The following ZNF562 variants were observed in gnomAD, a reference collection of about 807,000 sequenced individuals.
The protein encoded by ZNF562 is zinc finger protein 562.
Under a neutral mutation model 17.5 loss-of-function variants are expected in ZNF562, and 13 were observed. The observed-to-expected ratio is 0.74, with a 90% confidence interval of 0.48 to 1.18. The LOEUF (loss-of-function observed/expected upper bound fraction) is 1.18, where lower values mean the gene tolerates loss of function less well. ZNF562 is among the 50% of genes most tolerant of loss of function. The pLI is 0.00. For synonymous variants in ZNF562, 163 were observed against 165.4 expected (o/e 0.99, Z 0.11); for missense variants, 481 against 498.5 (o/e 0.96, Z 0.33).
intron 3 of ZNF562, among the ~76,000 whole-genome samples, chr19:9,658,770 A>G (rs946555357): frequency 2.0e-5 from 3 of 151,908 alleles, no homozygotes; most frequent in African/African-American, 7.3e-5. Flanking sequence ...ATTAATTTTT[A>G]TCTATCTAGC....
In ZNF562 at chr19:9,660,700, G is replaced by C; in HGVS notation, c.25+20C>G. 6.2e-7 allele frequency: 1 copy of C among 1,611,224 alleles called. No homozygotes were observed. The highest frequency in any genetic ancestry group is 2.2e-5 in the East Asian group (1 of 44,778). ...GACCTAAAGCAGAATCTCTGAAAAA[G>C]AGCATCAACAAGGACTTACCATGGG... On this transcript the variant is annotated intron_variant, in intron 2 of 5. Coordinates refer to ENST00000453372, the MANE Select transcript of ZNF562 (RefSeq NM_001130031.2).
chr19:9,657,837 G>A (rs1023021346), intron 4 of ZNF562, among the ~76,000 whole-genome samples, 172 bp downstream of exon 4: 7 of 151,890 alleles, frequency 4.6e-5, no homozygotes, highest in Non-Finnish European at 8.8e-5. Context: ...GTGAACCTCC[G>A]GGACCGGCCT....
At position 9,651,841 on chromosome 19, in the gene ZNF562, C is replaced by T. The variant is rs1166900887; in HGVS notation, c.*1108G>A. On this transcript the variant is annotated 3_prime_UTR_variant, in exon 6 of 6. Coordinates refer to ENST00000453372, the MANE Select transcript of ZNF562 (RefSeq NM_001130031.2). ...AAGCTCAGCTCTGAAGGCTGTGAGC[C>T]CCGATTCCCACTCTGCACTATATTT... 6.6e-6 allele frequency: 1 copy of T among 152,182 alleles called. No homozygotes were observed. The allele number at this position is 152,182 out of a possible 1,614,324, so 9.4% of individuals were successfully genotyped here.
rs1202814504 is a variant in ZNF562 at position 9,653,160 on chromosome 19, G to A, written c.1070C>T (p.Thr357Met). The A allele has an allele frequency of 3.0e-5, 49 of 1,613,588 alleles. No individual in the cohort carries two copies. Among genetic ancestry groups the A allele is most frequent in the Non-Finnish European group, 3.9e-5 (46 of 1,179,780 alleles). Residue 357 changes from threonine (T) to methionine (M), a missense_variant, in exon 6 of 6, where the codon ACG (threonine) becomes ATG (methionine). Physicochemically the swap from Thr to Met is moderately conservative, Grantham distance 81. Transcript: ENST00000453372. Reference sequence around the variant, plus strand: ...ATTTCGTATGTGTATAGCAAGGCCCGTGTACTGAGTGAAGGCTTGGCCACA... The same window carrying A: ...ATTTCGTATGTGTATAGCAAGGCCCATGTACTGAGTGAAGGCTTGGCCACA... ...KECGQAFTQY[T>M]GLAIHIRNHT...
chr19:9,650,001 C>T lies in ZNF562; in HGVS notation c.*2948G>A, dbSNP rs1330601232. ...TCCCTTTATTTCTCAAGTTGGCTGA[C>T]ACTTAGGGAAAATAGAAAAGAACCT... On this transcript the variant is annotated 3_prime_UTR_variant, in exon 6 of 6. Transcript: ENST00000453372. 2.6e-5 allele frequency: 4 copies of T among 152,078 alleles called. No homozygotes were observed. The highest frequency in any genetic ancestry group is 5.9e-5 in the Non-Finnish European group (4 of 68,032). 9.4% of individuals were successfully genotyped at this position (152,078 alleles called of 1,614,324 possible). A position where few individuals can be genotyped will look rare whatever the true frequency, so the allele number is the denominator to read the frequency against.
Position 9,645,323 on chromosome 19 carries a change from G to A in ZNF562, c.*7626C>T, listed in dbSNP as rs141321615. On this transcript the variant is annotated 3_prime_UTR_variant, in exon 6 of 6. Coordinates refer to ENST00000453372, the MANE Select transcript of ZNF562 (RefSeq NM_001130031.2). ...GCCTCCCAAAGTGCTGGGTTTAAAG[G>A]CATGAGCCACTGTGCCTGGCCCAGA... 4.6e-4 allele frequency: 70 copies of A among 152,332 alleles called. No individual in the cohort carries two copies. The East Asian group carries it at 0.014, about 29-fold the overall frequency. 9.4% of individuals were successfully genotyped at this position (152,332 alleles called of 1,614,324 possible).
rs2074908036 is a variant in ZNF562, at chr19:9,653,484, T to C, written c.746A>G (p.Gln249Arg). ...RAITTSSHLK[Q>R]CVAVHTGKKS... ...CTTTCCAGTATGAACTGCTACACAC[T>C]GCTTTAAGTGTGAGGAAGTTGTGAT... The change falls in exon 6 of 6, where the codon CAG becomes CGG. Residue 249 changes from glutamine to arginine, a missense_variant. Transcript: ENST00000453372. The C allele has an allele frequency of 6.2e-7, 1 of 1,614,204 alleles. No homozygotes were observed. Among genetic ancestry groups the C allele is most frequent in the African/African-American group, 1.3e-5 (1 of 75,072 alleles).
chr19:9,671,658 C>T (rs2044201530), intron 1 of ZNF562, among the ~76,000 whole-genome samples: 1 of 152,234 alleles, frequency 6.6e-6, no homozygotes, highest in Non-Finnish European at 1.5e-5. Context: ...TTCCTAAGCA[C>T]TTGGTCCACC....
At chr19:9,669,748 A>G (rs1166522591) in intron 1 of ZNF562, among the ~76,000 whole-genome samples, 4 of 148,076 alleles carry the variant, frequency 2.7e-5, no homozygotes, top group South Asian at 2.2e-4. Flanking sequence ...ACACACACAC[A>G]CACACACACA....
In ZNF562 at chr19:9,653,235, G is replaced by A. The variant is rs2074899532; in HGVS notation, c.995C>T (p.Thr332Ile). ...GKAFTRSTHL[T>I]QHVRTHTGIK... ...TCCAGTGTGAGTTCTTACATGTTGA[G>A]TAAGGTGAGTTGATCTAGTGAAGGC... Residue 332 changes from threonine to isoleucine, a missense_variant, in exon 6 of 6, where the codon ACT (threonine) becomes ATT (isoleucine). Around this residue, in one of 2 missense-constraint regions of ZNF562, gnomAD observed 403 missense variants for 386.4 expected, o/e 1.04. Coordinates refer to ENST00000453372, the MANE Select transcript of ZNF562 (RefSeq NM_001130031.2). 1 of 1,614,190 alleles carries A rather than the reference G, an allele frequency of 6.2e-7. No homozygotes were observed. The highest frequency in any genetic ancestry group is 8.5e-7 in the Non-Finnish European group (1 of 1,180,038).
chr19:9,668,984 C>T (rs1190913611), intron 1 of ZNF562, among the ~76,000 whole-genome samples: 1 of 151,884 alleles, frequency 6.6e-6, no homozygotes, highest in Non-Finnish European at 1.5e-5. Flanking sequence ...TAAAGACTTA[C>T]ATCTAACACC....
rs1207782983 is a variant in ZNF562, at chr19:9,645,748, C to T, written c.*7201G>A. On this transcript the variant is annotated 3_prime_UTR_variant, in exon 6 of 6. Coordinates refer to ENST00000453372, the MANE Select transcript of ZNF562 (RefSeq NM_001130031.2). ...ACAATGCACTTCCTTCTGGGTCTCT[C>T]TCCAAGTGTAGTAAGTGTATATGGG... The T allele has an allele frequency of 6.6e-6, 1 of 152,214 alleles. No individual in the cohort carries two copies. Among genetic ancestry groups the T allele is most frequent in the Non-Finnish European group, 1.5e-5 (1 of 68,038 alleles). 9.4% of individuals were successfully genotyped at this position (152,214 alleles called of 1,614,324 possible). A position where few individuals can be genotyped will look rare whatever the true frequency, so the allele number is the denominator to read the frequency against.
At chr19:9,671,360 C>T in intron 1 of ZNF562, among the ~76,000 whole-genome samples, 1 of 152,136 alleles carries the variant, frequency 6.6e-6, no homozygotes, top group East Asian at 1.9e-4. Flanking sequence ...AAAGACATCC[C>T]TCCAAGATGT....
rs144228183 is a variant in ZNF562 at position 9,651,002 on chromosome 19, T to C, written c.*1947A>G. ...AAAAAATCCTGTGTTTTTAACCTCA[T>C]TGATTTAAAATTAAATTAATTTCTA... On this transcript the variant is annotated 3_prime_UTR_variant, in exon 6 of 6. Coordinates refer to ENST00000453372, the MANE Select transcript of ZNF562 (RefSeq NM_001130031.2). 30 of 150,532 alleles carry C rather than the reference T, an allele frequency of 2.0e-4. No homozygotes were observed. Among genetic ancestry groups the C allele is most frequent in the African/African-American group, 7.4e-4 (30 of 40,694 alleles). 9.3% of individuals were successfully genotyped at this position (150,532 alleles called of 1,614,324 possible). A position where few individuals can be genotyped will look rare whatever the true frequency, so the allele number is the denominator to read the frequency against.
chr19:9,661,243 G>C (rs114718724), intron 1 of ZNF562, among the ~76,000 whole-genome samples: 3,585 of 151,964 alleles, frequency 0.024, 134 homozygotes, highest in African/African-American at 0.079. Flanking sequence ...TACATTTCCC[G>C]GGCTCAAGTG....
In ZNF562 at chr19:9,644,632, C is replaced by G. The variant is rs919694823; in HGVS notation, c.*8317G>C. 2.0e-5 allele frequency: 3 copies of G among 152,104 alleles called. No individual in the cohort carries two copies. Among genetic ancestry groups the G allele is most frequent in the African/African-American group, 7.2e-5 (3 of 41,398 alleles). 9.4% of individuals were successfully genotyped at this position (152,104 alleles called of 1,614,324 possible). A position where few individuals can be genotyped will look rare whatever the true frequency, so the allele number is the denominator to read the frequency against. On this transcript the variant is annotated 3_prime_UTR_variant, in exon 6 of 6. Transcript: ENST00000453372. ...TCTTATATGGCAGAAGGCAAGAGAG[C>G]CTGTCCAGGGGAACAGCTGCTTATA...
rs1254145363 is a variant in ZNF562, at chr19:9,659,972, A to C, written c.26-505T>G. Among the ~76,000 whole-genome samples the C allele has an allele frequency of 1.4e-4, 17 of 122,788 alleles. No homozygotes were observed. The East Asian group carries it at 2.2e-3, about 16-fold the overall frequency. The allele number at this position is 122,788 out of a possible 152,430, so 80.6% of individuals were successfully genotyped here. On this transcript the variant is annotated intron_variant, in intron 2 of 5. Transcript: ENST00000453372. ...AAAAAAAAAAAAAAAAAAAAAAAAA[A>C]AAAAAACTACAGGAGGCTGAGGCAG...
chr19:9,661,523 C>A (rs776500955), intron 1 of ZNF562, among the ~76,000 whole-genome samples: 1 of 152,070 alleles, frequency 6.6e-6, no homozygotes. Flanking sequence ...TGGTCAGGCA[C>A]GGTGGCTCAT....
intron 1 of ZNF562, among the ~76,000 whole-genome samples, chr19:9,673,270 A>G (rs2044268177): frequency 6.6e-6 from 1 of 152,162 alleles, no homozygotes; most frequent in African/African-American, 2.4e-5. Flanking sequence ...CGTTAGAAAT[A>G]AAAACCCCTT....
Sources: allele counts gnomAD v4.1 joint callset (sites outside exome capture counted in the v4.1 genomes callset), GRCh38; gene constraint gnomAD v4.1.1; regional missense constraint gnomAD v4.1.1; transcripts MANE v1.5; gene names NCBI Gene and HGNC (gene_info 2026-07-23, HGNC 2026-07-21).